Variants in PDLIM5 observed in about 807,000 individuals in gnomAD.
The protein encoded by PDLIM5 is PDZ and LIM domain 5.
In PDLIM5, 34 loss-of-function variants were observed where a neutral mutation model predicts 64.2. That is an observed-to-expected ratio of 0.53 (90% confidence interval 0.40 to 0.71). The LOEUF is 0.71. Among genes scored for constraint, PDLIM5 ranks in the 30% least tolerant of loss-of-function variants. PDLIM5 has a pLI of 0.00. For missense variants in PDLIM5, 683 were observed against 733.6 expected (o/e 0.93, Z 0.80); for synonymous variants, 253 against 269.1 (o/e 0.94, Z 0.59).
chr4:94,610,659 A>G (rs139171907), intron 7 of PDLIM5, among the ~76,000 whole-genome samples: 435 of 152,254 alleles, frequency 2.9e-3, no homozygotes, highest in Non-Finnish European at 4.7e-3. Context: ...TATTGATTTT[A>G]TCTTCTCCCA....
At chr4:94,529,556 A>G (rs1204245174) in intron 3 of PDLIM5, among the ~76,000 whole-genome samples, 2 of 152,198 alleles carry the variant, frequency 1.3e-5, no homozygotes, top group African/African-American at 2.4e-5. Context: ...AAAGTAAGAT[A>G]AAGATACTTG....
At chr4:94,516,161 C>T (rs558732493) in intron 2 of PDLIM5, among the ~76,000 whole-genome samples, 71 of 152,232 alleles carry the variant, frequency 4.7e-4, no homozygotes, top group Non-Finnish European at 9.3e-4. Flanking sequence ...TAGAACAGAC[C>T]GTGCTGTATC....
At chr4:94,584,032 G>T (rs926964782) in intron 5 of PDLIM5, among the ~76,000 whole-genome samples, 1 of 152,122 alleles carries the variant, frequency 6.6e-6, no homozygotes, top group Non-Finnish European at 1.5e-5. Flanking sequence ...GTTCTTCACT[G>T]GGGAAAAGCT....
chr4:94,488,075 C>T lies in PDLIM5; in HGVS notation c.96+32691C>T, dbSNP rs553340103. On this transcript the variant is annotated intron_variant, in intron 2 of 12. Coordinates refer to ENST00000317968, the MANE Select transcript of PDLIM5 (RefSeq NM_006457.5). ...GTGTGTTTGTGTTAATATTATGGTG[C>T]TGAATTAACCCATTCCTTTTGGTGA... Among the ~76,000 whole-genome samples the T allele has an allele frequency of 6.0e-4, 92 of 152,320 alleles. 1 individual carries two copies. In the South Asian group the frequency reaches 9.3e-3, roughly 15 times the overall value.
At chr4:94,561,874 C>T (rs755231186) in intron 3 of PDLIM5, among the ~76,000 whole-genome samples, 4 of 152,182 alleles carry the variant, frequency 2.6e-5, no homozygotes, top group Non-Finnish European at 5.9e-5. Flanking sequence ...GTTGGAACAA[C>T]ACATATAGTA....
chr4:94,531,705 C>A (rs1730884970), intron 3 of PDLIM5, among the ~76,000 whole-genome samples: 1 of 152,148 alleles, frequency 6.6e-6, no homozygotes, highest in African/African-American at 2.4e-5. Context: ...GCCCTCCTTA[C>A]TTTCTTTGCT....
intron 11 of PDLIM5, among the ~76,000 whole-genome samples, chr4:94,657,963 C>A (rs181529810): frequency 2.6e-5 from 4 of 152,084 alleles, no homozygotes; most frequent in African/African-American, 9.7e-5. Context: ...CCCAAAGTGC[C>A]GGGATTACAG....
At chr4:94,647,658 A>G (rs1294270046) in intron 9 of PDLIM5, among the ~76,000 whole-genome samples, 3 of 152,192 alleles carry the variant, frequency 2.0e-5, no homozygotes, top group African/African-American at 7.2e-5. Flanking sequence ...ATACTTCACC[A>G]GATATCTATA....
At chr4:94,580,831 T>C (rs77018205) in intron 5 of PDLIM5, among the ~76,000 whole-genome samples, 4 of 152,234 alleles carry the variant, frequency 2.6e-5, no homozygotes, top group Admixed American at 1.3e-4. Flanking sequence ...TGCTTGTGAC[T>C]TGGGCTTATT....
At chr4:94,468,506 A>G (rs146592184) in intron 2 of PDLIM5, among the ~76,000 whole-genome samples, 118 of 152,322 alleles carry the variant, frequency 7.7e-4, no homozygotes, top group African/African-American at 2.4e-3. Context: ...TAAAAAGGAA[A>G]GAAAACTAAA....
intron 2 of PDLIM5, among the ~76,000 whole-genome samples, chr4:94,521,575 T>A (rs559938271): frequency 6.7e-6 from 1 of 150,216 alleles, no homozygotes; most frequent in East Asian, 1.9e-4. Context: ...TCTAAGAAAT[T>A]GATTTTGAAC....
At chr4:94,615,648 A>T (rs922667026) in intron 7 of PDLIM5, among the ~76,000 whole-genome samples, 1 of 152,178 alleles carries the variant, frequency 6.6e-6, no homozygotes, top group Admixed American at 6.5e-5. Context: ...TCATGCTGAA[A>T]TATAACTGAG....
At chr4:94,474,874 A>G (rs982096984) in intron 2 of PDLIM5, among the ~76,000 whole-genome samples, 1 of 152,046 alleles carries the variant, frequency 6.6e-6, no homozygotes, top group Non-Finnish European at 1.5e-5. Flanking sequence ...CTGGTATTGA[A>G]CTGTTGCACT....
intron 3 of PDLIM5, among the ~76,000 whole-genome samples, chr4:94,540,092 C>T (rs1163470207): frequency 4.0e-5 from 6 of 151,574 alleles, no homozygotes; most frequent in Admixed American, 3.9e-4. Flanking sequence ...CTCACTTAAT[C>T]CTTTCAAGAA....
At chr4:94,523,435 T>C (rs1431342648) in intron 2 of PDLIM5, among the ~76,000 whole-genome samples, 1 of 152,200 alleles carries the variant, frequency 6.6e-6, no homozygotes, top group Non-Finnish European at 1.5e-5. Flanking sequence ...TTCATAAAAA[T>C]CACACAACTA....
At chr4:94,561,802 C>T (rs1733875211) in intron 3 of PDLIM5, among the ~76,000 whole-genome samples, 2 of 152,156 alleles carry the variant, frequency 1.3e-5, no homozygotes, top group African/African-American at 4.8e-5. Flanking sequence ...TAGTCATCAC[C>T]AAAGAGGGGA....
At position 94,623,467 on chromosome 4, in the gene PDLIM5, CTT is replaced by C. The variant is rs930739442; in HGVS notation, c.1108+5277_1108+5278del. ...CCTTTGTGAAGCTTTCTTGAGCCCT[CTT>C]GTTACCTGTTCTTTTTCAATACTCC... On this transcript the variant is annotated intron_variant, in intron 8 of 12. Coordinates refer to ENST00000317968, the MANE Select transcript of PDLIM5 (RefSeq NM_006457.5). Among the ~76,000 whole-genome samples, 104 of 152,274 alleles carry C rather than the reference CTT, an allele frequency of 6.8e-4. 1 individual carries two copies. The highest frequency in any genetic ancestry group is 6.8e-3 in the Middle Eastern group (2 of 294).
intron 9 of PDLIM5, among the ~76,000 whole-genome samples, chr4:94,641,500 T>C (rs1318714108): frequency 6.6e-6 from 1 of 152,214 alleles, no homozygotes; most frequent in African/African-American, 2.4e-5. Context: ...TTTTGTTTGT[T>C]TGTTTTAAAG....
At chr4:94,570,049 A>G (rs1240239746) in intron 3 of PDLIM5, among the ~76,000 whole-genome samples, 1 of 152,160 alleles carries the variant, frequency 6.6e-6, no homozygotes, top group Non-Finnish European at 1.5e-5. Flanking sequence ...GGATTATTGC[A>G]ACAAAAGCAC....
Sources: allele counts gnomAD v4.1 joint callset (sites outside exome capture counted in the v4.1 genomes callset), GRCh38; gene constraint gnomAD v4.1.1; transcripts MANE v1.5; gene names NCBI Gene and HGNC (gene_info 2026-07-23, HGNC 2026-07-21).